RAB23: variants seen among roughly 807,000 people sequenced by gnomAD.
RAB23 encodes the protein RAB23, member RAS oncogene family, also known as ras-related protein Rab-23.
A neutral mutation model predicts 30.0 loss-of-function variants in RAB23; 15 were observed. The ratio of observed to expected loss-of-function variants is 0.50; its 90% confidence interval spans 0.33 to 0.77. The LOEUF (loss-of-function observed/expected upper bound fraction) is 0.77. Among genes scored for constraint, RAB23 ranks in the 30% least tolerant of loss-of-function variants. The probability of loss-of-function intolerance (pLI) is 0.02; values close to 1 mark genes in which losing one functional copy is unlikely to be tolerated. For synonymous variants in RAB23, 93 were observed against 94.0 expected (o/e 0.99, Z 0.06); for missense variants, 243 against 275.4 (o/e 0.88, Z 0.83).
chr6:57,203,427 G>A lies in RAB23; in HGVS notation c.241+4201C>T, dbSNP rs914980044. On this transcript the variant is annotated intron_variant, in intron 3 of 6. Coordinates refer to ENST00000468148, the MANE Select transcript of RAB23 (RefSeq NM_016277.5). ...CAAAAGCTTAGAAAGGATTAGGCCA[G>A]CCTATCTGTTTCCTCAAAAAAAAGA... Among the ~76,000 whole-genome samples the A allele has an allele frequency of 3.3e-5, 5 of 152,286 alleles. No individual in the cohort carries two copies. In the South Asian group the frequency reaches 6.2e-4, roughly 19 times the overall value.
chr6:57,205,388 T>C (rs1765424178), intron 3 of RAB23, among the ~76,000 whole-genome samples: 1 of 152,110 alleles, frequency 6.6e-6, no homozygotes, highest in Admixed American at 6.6e-5. Context: ...AAAATGATAC[T>C]GTCTCCTAAG....
intron 1 of RAB23, 86 bp downstream of exon 1, chr6:57,221,640 A>G (rs1233342104): frequency 6.6e-6 from 1 of 152,460 alleles, no homozygotes; most frequent in African/African-American, 2.4e-5. Flanking sequence ...GCAGGCAAAA[A>G]GCCGAACGTT....
At chr6:57,205,446 G>A (rs1270976075) in intron 3 of RAB23, among the ~76,000 whole-genome samples, 1 of 152,062 alleles carries the variant, frequency 6.6e-6, no homozygotes, top group Non-Finnish European at 1.5e-5. Context: ...ATGGGGCTGG[G>A]GAGACAAAGA....
rs1764671110 is a variant in RAB23 at position 57,187,947 on chromosome 6, A to G, written c.*2514T>C. The G allele has an allele frequency of 6.6e-6, 1 of 152,024 alleles. No individual in the cohort carries two copies. The highest frequency in any genetic ancestry group is 1.5e-5 in the Non-Finnish European group (1 of 68,014). The allele number at this position is 152,024 out of a possible 1,614,324, so 9.4% of individuals were successfully genotyped here. On this transcript the variant is annotated 3_prime_UTR_variant, in exon 7 of 7. Transcript: ENST00000468148. ...GTTTTATTTAACTATATTGCCTTAT[A>G]TGGGTCATTCTATATACTATTTAAT...
chr6:57,193,717 C>G, intron 6 of RAB23, 125 bp downstream of exon 6: 1 of 1,333,492 alleles, frequency 7.5e-7, no homozygotes, highest in Non-Finnish European at 1.0e-6. Context: ...AGACCTGATA[C>G]TTAAATCACT....
chr6:57,189,180 A>C lies in RAB23; in HGVS notation c.*1281T>G, dbSNP rs954191542. On this transcript the variant is annotated 3_prime_UTR_variant, in exon 7 of 7. Transcript: ENST00000468148. ...AATTTATGTCCTGACACATGATTAC[A>C]TATTAAATCATTTTGTAAAAGAAAT... The C allele has an allele frequency of 2.0e-5, 3 of 152,204 alleles. No individual in the cohort carries two copies. The highest frequency in any genetic ancestry group is 2.0e-4 in the Admixed American group (3 of 15,272). The allele number at this position is 152,204 out of a possible 1,614,324, so 9.4% of individuals were successfully genotyped here.
In RAB23 at chr6:57,193,971, G is replaced by A. The variant is rs199871041; in HGVS notation, c.482-37C>T. 1.9e-6 allele frequency: 3 copies of A among 1,595,072 alleles called. No homozygotes were observed. In the African/African-American group the frequency reaches 4.0e-5, roughly 21 times the overall value. ...AGAAAACACCCAGAACCAGGTCAAT[G>A]ATTTATGCATGTAAATCTGTTATTT... On this transcript the variant is annotated intron_variant, in intron 5 of 6. Coordinates refer to ENST00000468148, the MANE Select transcript of RAB23 (RefSeq NM_016277.5).
At chr6:57,204,792 G>GT (rs1338179766) in intron 3 of RAB23, among the ~76,000 whole-genome samples, 7 of 152,114 alleles carry the variant, frequency 4.6e-5, no homozygotes, top group Admixed American at 4.6e-4. Flanking sequence ...TATATCCCTA[G>GT]AACAACAGAG....
chr6:57,194,070 A>G, intron 5 of RAB23, 136 bp from the exon 6 acceptor site: 2 of 1,334,684 alleles, frequency 1.5e-6, no homozygotes, highest in Non-Finnish European at 2.0e-6. Flanking sequence ...CTAGTTAAAA[A>G]TTCAACTTTT....
At chr6:57,204,451 T>C (rs1005968576) in intron 3 of RAB23, among the ~76,000 whole-genome samples, 1 of 152,180 alleles carries the variant, frequency 6.6e-6, no homozygotes, top group African/African-American at 2.4e-5. Flanking sequence ...ATTGTATACA[T>C]AACTATTATT....
At chr6:57,213,723 T>C (rs756771157) in intron 1 of RAB23, among the ~76,000 whole-genome samples, 14 of 152,098 alleles carry the variant, frequency 9.2e-5, no homozygotes, top group Admixed American at 2.6e-4. Context: ...AAGCACAACA[T>C]GGTAATGAGT....
chr6:57,192,512 A>G (rs1764876112), intron 6 of RAB23, among the ~76,000 whole-genome samples: 1 of 152,268 alleles, frequency 6.6e-6, no homozygotes, highest in Non-Finnish European at 1.5e-5. Context: ...GACAGATTGC[A>G]TCTGATACAT....
intron 3 of RAB23, among the ~76,000 whole-genome samples, chr6:57,197,181 T>C (rs1395650882): frequency 1.3e-5 from 2 of 152,242 alleles, no homozygotes; most frequent in East Asian, 3.9e-4. Context: ...AGAATACCAG[T>C]GATCCTAAGG....
rs1562664462 is a variant in RAB23 at position 57,221,729 on chromosome 6, T to TGGGAGCTGGGAGG, written c.-82_-70dup. On this transcript the variant is annotated 5_prime_UTR_variant, in exon 1 of 7. Transcript: ENST00000468148. ...CCAGGCAATTCCAGGTACCCACCGCTGGGAGCTGGGAGGGGGCGCCGGGCT... is the reference window on the plus strand; with the variant it reads ...CCAGGCAATTCCAGGTACCCACCGCTGGGAGCTGGGAGGGGGAGCTGGGAGGGGGCGCCGGGCT... The TGGGAGCTGGGAGG allele has an allele frequency of 6.6e-6, 1 of 152,216 alleles. No individual in the cohort carries two copies. The highest frequency in any genetic ancestry group is 1.5e-5 in the Non-Finnish European group (1 of 68,072). 9.4% of individuals were successfully genotyped at this position (152,216 alleles called of 1,614,324 possible).
In RAB23 at chr6:57,188,462, C is replaced by T. The variant is rs996150240; in HGVS notation, c.*1999G>A. 7.2e-5 allele frequency: 11 copies of T among 152,008 alleles called. No individual in the cohort carries two copies. The highest frequency in any genetic ancestry group is 2.7e-4 in the African/African-American group (11 of 41,406). 9.4% of individuals were successfully genotyped at this position (152,008 alleles called of 1,614,324 possible). A position where few individuals can be genotyped will look rare whatever the true frequency, so the allele number is the denominator to read the frequency against. On this transcript the variant is annotated 3_prime_UTR_variant, in exon 7 of 7. Transcript: ENST00000468148. ...ATATAGAAAGGTAACACGCTTTTAG[C>T]CACACAGCTAACATGAAAAAGAACT...
chr6:57,218,253 T>G (rs865781908), intron 1 of RAB23, among the ~76,000 whole-genome samples: 1 of 152,080 alleles, frequency 6.6e-6, no homozygotes, highest in African/African-American at 2.4e-5. Flanking sequence ...AAAAAGACAC[T>G]ACAAAAAAGA....
In RAB23 at chr6:57,188,754, G is replaced by T. The variant is rs1432753034; in HGVS notation, c.*1707C>A. 11 of 152,060 alleles carry T rather than the reference G, an allele frequency of 7.2e-5. No individual in the cohort carries two copies. Among genetic ancestry groups the T allele is most frequent in the Admixed American group, 3.3e-4 (5 of 15,268 alleles). 9.4% of individuals were successfully genotyped at this position (152,060 alleles called of 1,614,324 possible). A position where few individuals can be genotyped will look rare whatever the true frequency, so the allele number is the denominator to read the frequency against. On this transcript the variant is annotated 3_prime_UTR_variant, in exon 7 of 7. Transcript: ENST00000468148. ...CATTACTGTGAAATAGATAATGCCA[G>T]ATCATTTCAATATAATGAAAAGCAA...
chr6:57,201,576 C>G (rs1765254074), intron 3 of RAB23, among the ~76,000 whole-genome samples: 1 of 152,190 alleles, frequency 6.6e-6, no homozygotes, highest in South Asian at 2.1e-4. Flanking sequence ...TTCCTCAAAC[C>G]TGGTATAAAA....
Position 57,188,220 on chromosome 6 carries a change from A to G in RAB23, c.*2241T>C, listed in dbSNP as rs1764686079. On this transcript the variant is annotated 3_prime_UTR_variant, in exon 7 of 7. Transcript: ENST00000468148. ...ATGTCAATTTTTGAAGGCTTTAAGAATTGATTAAATTGAGAAATTAACATG... is the reference window on the plus strand; with the variant it reads ...ATGTCAATTTTTGAAGGCTTTAAGAGTTGATTAAATTGAGAAATTAACATG... 1 of 152,212 alleles carries G rather than the reference A, an allele frequency of 6.6e-6. No homozygotes were observed. Among genetic ancestry groups the G allele is most frequent in the Non-Finnish European group, 1.5e-5 (1 of 68,014 alleles). 9.4% of individuals were successfully genotyped at this position (152,212 alleles called of 1,614,324 possible). A position where few individuals can be genotyped will look rare whatever the true frequency, so the allele number is the denominator to read the frequency against.
Sources: gnomAD v4.1 joint callset for allele counts (sites outside exome capture counted in the v4.1 genomes callset) on GRCh38, gnomAD v4.1.1 for gene constraint, MANE v1.5 for transcripts, NCBI Gene and HGNC (gene_info 2026-07-23, HGNC 2026-07-21) for gene names.